Variants in OCA2 observed in about 807,000 individuals in gnomAD.
OCA2 encodes the protein OCA2 melanosomal transmembrane protein.
Under a neutral mutation model 100.2 loss-of-function variants are expected in OCA2, and 77 were observed. The ratio of observed to expected loss-of-function variants is 0.77; its 90% confidence interval spans 0.64 to 0.93. The LOEUF (loss-of-function observed/expected upper bound fraction) is 0.93. Ranked by LOEUF, OCA2 falls within the 40% of genes least tolerant of loss-of-function variation. The pLI is 0.00. For missense variants in OCA2, 1,062 were observed against 1,089.1 expected (o/e 0.98, Z 0.35); for synonymous variants, 432 against 439.2 (o/e 0.98, Z 0.21).
rs1296682955 is a variant in OCA2, at chr15:27,986,501, A to AT, written c.1239+85dup. Reference sequence around the variant, plus strand: ...TGGAATTTTTCAATGTTTGTTTTAAATGTTTGTTTCCTAAATATATAATGT... The same window carrying AT: ...TGGAATTTTTCAATGTTTGTTTTAAATTGTTTGTTTCCTAAATATATAATGT... On this transcript the variant is annotated intron_variant, in intron 12 of 23. Coordinates refer to ENST00000354638, the MANE Select transcript of OCA2 (RefSeq NM_000275.3). The AT allele has an allele frequency of 6.4e-6, 6 of 937,500 alleles. No homozygotes were observed. In the African/African-American group the frequency reaches 1.0e-4, roughly 16 times the overall value. The allele number at this position is 937,500 out of a possible 1,614,324, so 58.1% of individuals were successfully genotyped here.
intron 23 of OCA2, among the ~76,000 whole-genome samples, chr15:27,801,549 T>TC (rs1359386108): frequency 1.7e-4 from 5 of 29,910 alleles, no homozygotes; most frequent in Non-Finnish European, 2.0e-4. Context: ...AGACTCGGTC[T>TC]CAAAAAAAAA....
rs190065358 is a variant in OCA2, at chr15:27,836,018, C to T, written c.2432+8941G>A. ...CTGACACCCTCCTGACAAGTATTTACGGCTCTCGTGGCTCTCTCAGACTGT... is the reference window on the plus strand; with the variant it reads ...CTGACACCCTCCTGACAAGTATTTATGGCTCTCGTGGCTCTCTCAGACTGT... On this transcript the variant is annotated intron_variant, in intron 23 of 23. Transcript: ENST00000354638. Among the ~76,000 whole-genome samples the T allele has an allele frequency of 2.7e-3, 412 of 152,316 alleles. 1 individual carries two copies. The highest frequency in any genetic ancestry group is 9.5e-3 in the African/African-American group (393 of 41,562).
chr15:27,986,431 T>C (rs1026450532), intron 12 of OCA2, among the ~76,000 whole-genome samples, 156 bp downstream of exon 12: 23 of 152,180 alleles, frequency 1.5e-4, no homozygotes, highest in African/African-American at 4.8e-4. Context: ...CAACTTAACA[T>C]AGCAAGTATA....
rs953598611 is a variant in OCA2, at chr15:27,768,592, C to T, written c.2433-13120G>A. Among the ~76,000 whole-genome samples, 58 of 152,226 alleles carry T rather than the reference C, an allele frequency of 3.8e-4. 1 individual carries two copies. The highest frequency in any genetic ancestry group is 1.5e-5 in the Non-Finnish European group (1 of 68,042). The stretch of plus-strand genomic sequence containing the variant: ...AAACTCTCTTGTAACTGCAGCTAAT[C>T]TGAGTGTACATTCAGGGCAAGTAGA... On this transcript the variant is annotated intron_variant, in intron 23 of 23. Coordinates refer to ENST00000354638, the MANE Select transcript of OCA2 (RefSeq NM_000275.3).
chr15:27,789,221 G>A (rs1595412646), intron 23 of OCA2, among the ~76,000 whole-genome samples: 1 of 83,508 alleles, frequency 1.2e-5, no homozygotes, highest in Admixed American at 1.6e-4. Context: ...GCGGGGGGAG[G>A]GTTGGATTCA....
At chr15:28,046,207 C>T (rs2043342768) in intron 2 of OCA2, among the ~76,000 whole-genome samples, 1 of 152,120 alleles carries the variant, frequency 6.6e-6, no homozygotes, top group Non-Finnish European at 1.5e-5. Context: ...TTCTACCAGT[C>T]AGGATACCAG....
intron 19 of OCA2, among the ~76,000 whole-genome samples, chr15:27,916,793 A>C (rs1268877175): frequency 6.6e-6 from 1 of 152,198 alleles, no homozygotes; most frequent in Non-Finnish European, 1.5e-5. Flanking sequence ...TTTCCAAAAA[A>C]TAGAACACAC....
At chr15:27,951,485 A>T (rs1307789038) in intron 18 of OCA2, among the ~76,000 whole-genome samples, 2 of 152,228 alleles carry the variant, frequency 1.3e-5, no homozygotes, top group African/African-American at 4.8e-5. Flanking sequence ...TAACTACAAT[A>T]GACAGGACAG....
At chr15:27,879,888 G>A (rs1178318134) in intron 19 of OCA2, among the ~76,000 whole-genome samples, 2 of 151,960 alleles carry the variant, frequency 1.3e-5, no homozygotes, top group Non-Finnish European at 2.9e-5. Flanking sequence ...TGCTTTTGTT[G>A]CAATTGCTTT....
At chr15:28,018,064 T>C (rs1187335301) in intron 7 of OCA2, among the ~76,000 whole-genome samples, 1 of 149,298 alleles carries the variant, frequency 6.7e-6, no homozygotes, top group Non-Finnish European at 1.5e-5. Context: ...AACCCTGACG[T>C]AAGGCCCGGA....
intron 14 of OCA2, among the ~76,000 whole-genome samples, chr15:27,979,810 C>T (rs909110806): frequency 6.6e-6 from 1 of 150,550 alleles, no homozygotes; most frequent in Non-Finnish European, 1.5e-5. Context: ...AGCAATCCTT[C>T]TGCCTCAGCC....
chr15:28,034,170 T>C (rs1265555946), intron 2 of OCA2, among the ~76,000 whole-genome samples: 8 of 152,034 alleles, frequency 5.3e-5, no homozygotes, highest in Non-Finnish European at 1.5e-5. Context: ...TGCACACTTG[T>C]AGTCCTAACT....
At chr15:28,092,787 C>T (rs562628967) in intron 1 of OCA2, among the ~76,000 whole-genome samples, 1 of 152,102 alleles carries the variant, frequency 6.6e-6, no homozygotes, top group Non-Finnish European at 1.5e-5. Flanking sequence ...AAGCATTTAA[C>T]AAAATCCAAC....
chr15:27,900,569 A>T (rs918502839), intron 19 of OCA2, among the ~76,000 whole-genome samples: 12 of 152,238 alleles, frequency 7.9e-5, no homozygotes, highest in African/African-American at 2.9e-4. Flanking sequence ...TAAACCAAGA[A>T]GACAAGAACC....
At chr15:27,979,490 C>A (rs1187231772) in intron 14 of OCA2, among the ~76,000 whole-genome samples, 2 of 152,080 alleles carry the variant, frequency 1.3e-5, no homozygotes, top group African/African-American at 4.8e-5. Context: ...TCCACCATTT[C>A]TTTGCTTCCT....
the OCA2 span, among the ~76,000 whole-genome samples, chr15:27,722,491 T>A: frequency 6.6e-6 from 1 of 152,246 alleles, no homozygotes; most frequent in African/African-American, 2.4e-5. Context: ...GGCCATCTAA[T>A]ACTTGCTTAC....
At chr15:27,835,901 G>GA (rs1392674727) in intron 23 of OCA2, among the ~76,000 whole-genome samples, 1 of 152,202 alleles carries the variant, frequency 6.6e-6, no homozygotes, top group African/African-American at 2.4e-5. Flanking sequence ...GTATACAGTG[G>GA]AGGGGGGGTG....
intron 19 of OCA2, among the ~76,000 whole-genome samples, chr15:27,907,375 A>G (rs2038217307): frequency 1.3e-5 from 2 of 152,246 alleles, no homozygotes; most frequent in Admixed American, 1.3e-4. Context: ...GGATGCATTT[A>G]AAGCAGTAAT....
chr15:27,801,018 C>T (rs1405118313), intron 23 of OCA2, among the ~76,000 whole-genome samples: 1 of 152,068 alleles, frequency 6.6e-6, no homozygotes, highest in Non-Finnish European at 1.5e-5. Context: ...ACAAGGAAAA[C>T]CCCAGACCTC....
Sources: gnomAD v4.1 joint callset for allele counts (sites outside exome capture counted in the v4.1 genomes callset) on GRCh38, gnomAD v4.1.1 for gene constraint, MANE v1.5 for transcripts, NCBI Gene and HGNC (gene_info 2026-07-23, HGNC 2026-07-21) for gene names.